ITGAL: variants seen among roughly 807,000 people sequenced by gnomAD.
The protein encoded by ITGAL is integrin subunit alpha L, also known as integrin alpha-L.
Under a neutral mutation model 138.4 loss-of-function variants are expected in ITGAL, and 68 were observed. That is an observed-to-expected ratio of 0.49 (90% CI 0.40 to 0.60). ITGAL has a LOEUF of 0.60. Among genes scored for constraint, ITGAL ranks in the 20% least tolerant of loss-of-function variants. The pLI is 0.00. For missense variants in ITGAL, 1,256 were observed against 1,478.6 expected, an observed-to-expected ratio of 0.85 and a Z score of 2.47; for synonymous variants, 561 against 584.3, an observed-to-expected ratio of 0.96 and a Z score of 0.57.
chr16:30,505,029 A>C, intron 18 of ITGAL: 1 of 382,450 alleles, frequency 2.6e-6, no homozygotes, highest in Non-Finnish European at 4.7e-6. Context: ...AAAAAAAAAA[A>C]AAAAAAAGAG....
Position 30,518,692 on chromosome 16 carries a change from C to T in ITGAL, c.3201C>T (p.Leu1067=). The T allele has an allele frequency of 6.2e-7, 1 of 1,613,876 alleles. No homozygotes were observed. The highest frequency in any genetic ancestry group is 2.2e-5 in the East Asian group (1 of 44,872). Residue 1067 remains leucine (L), a synonymous_variant, in exon 29 of 31, where the codon CTC becomes CTT. Transcript: ENST00000356798. ...TCAACAGCAGCAAGCATTTCCACCT[C>T]TATGGCAGCAACGCCTCCCTGGCCC... The part of the protein sequence containing the change: ...ISFNSSKHFH[L]YGSNASLAQV...
At chr16:30,488,735 G>T (rs1006635216) in intron 9 of ITGAL, 1 of 218,442 alleles carries the variant, frequency 4.6e-6, no homozygotes, top group Non-Finnish European at 9.1e-6. Context: ...AAATTAGCCA[G>T]GTGTGATGGT....
At chr16:30,481,290 G>T in intron 6 of ITGAL, 149 bp from the exon 7 acceptor site, 1 of 630,000 alleles carries the variant, frequency 1.6e-6, no homozygotes, top group Non-Finnish European at 2.6e-6. Context: ...AGGTTGCAGT[G>T]AGCCAAGATT....
chr16:30,506,935 G>C, intron 21 of ITGAL, 79 bp downstream of exon 21: 1 of 1,543,084 alleles, frequency 6.5e-7, no homozygotes, highest in Non-Finnish European at 8.9e-7. Context: ...AGGCAGCCAG[G>C]ACAGCCTGAA....
chr16:30,495,958 T>C (rs763817851), intron 13 of ITGAL, 139 bp from the exon 14 acceptor site: 75 of 704,950 alleles, frequency 1.1e-4, no homozygotes, highest in Admixed American at 9.6e-4. Context: ...GGCTGGTGCT[T>C]GAACCCTGGT....
At chr16:30,519,748 G>A in intron 29 of ITGAL, 109 bp from the exon 30 acceptor site, 1 of 748,932 alleles carries the variant, frequency 1.3e-6, no homozygotes, top group Non-Finnish European at 2.4e-6. Context: ...GGAGACTCCA[G>A]GCGGGTGATG....
intron 6 of ITGAL, chr16:30,481,191 A>G: frequency 2.3e-6 from 1 of 426,760 alleles, no homozygotes; most frequent in Non-Finnish European, 4.3e-6. Context: ...CACCACACAC[A>G]CACAAATATT....
At position 30,499,193 on chromosome 16, in the gene ITGAL, C is replaced by A; in HGVS notation, c.1952C>A (p.Thr651Lys). 6.2e-7 allele frequency: 1 copy of A among 1,614,150 alleles called. No individual in the cohort carries two copies. The highest frequency in any genetic ancestry group is 8.5e-7 in the Non-Finnish European group (1 of 1,180,012). Residue 651 changes from threonine to lysine, a missense_variant, in exon 16 of 31, where the codon ACA becomes AAA. This residue lies in a region of ITGAL where 867 missense variants were observed against 972.5 expected (regional missense o/e 0.89). Transcript: ENST00000356798. ...SNKMKEGVNI[T>K]ICFQIKSLIP... is the part of the protein sequence containing the mutation. ...AAGATGAAAGAAGGAGTTAATATCA[C>A]AATCTGTTTCCAGATCAAGTCTCTC...
chr16:30,475,812 G>A lies in ITGAL; in HGVS notation c.327+232G>A, dbSNP rs146083181. ...ATTGCCCAGGCTGGAGTGCAGTGGC[G>A]TGATCACAGCTCATTGTAGCCTCAA... On this transcript the variant is annotated intron_variant, in intron 4 of 30. Coordinates refer to ENST00000356798, the MANE Select transcript of ITGAL (RefSeq NM_002209.3). Among the ~76,000 whole-genome samples the A allele has an allele frequency of 4.3e-4, 63 of 146,854 alleles. No individual in the cohort carries two copies. The East Asian group carries it at 0.01, about 23-fold the overall frequency.
chr16:30,475,007 C>T (rs1264892860), intron 2 of ITGAL, among the ~76,000 whole-genome samples: 1 of 151,848 alleles, frequency 6.6e-6, no homozygotes, highest in African/African-American at 2.4e-5. Flanking sequence ...TACAGGCATG[C>T]ACCACCATGC....
intron 24 of ITGAL, among the ~76,000 whole-genome samples, chr16:30,512,586 GAA>G (rs771972585): frequency 1.9e-4 from 26 of 135,298 alleles, no homozygotes; most frequent in East Asian, 2.2e-4. Context: ...GACCCTGTGT[GAA>G]AAAAAAAAAA....
chr16:30,496,569 G>A lies in ITGAL; in HGVS notation c.1832+3G>A. 6.2e-7 allele frequency: 1 copy of A among 1,611,658 alleles called. No individual in the cohort carries two copies. The highest frequency in any genetic ancestry group is 8.5e-7 in the Non-Finnish European group (1 of 1,178,876). ...GAGAGCCAGATGATCGTGCTGAGGT[G>A]AGATGGGTCTCCCAGGTCACACCTG... On this transcript the variant is annotated splice_donor_region_variant and intron_variant, in intron 15 of 30. Coordinates refer to ENST00000356798, the MANE Select transcript of ITGAL (RefSeq NM_002209.3).
In ITGAL at chr16:30,481,553, A is replaced by C; in HGVS notation, c.691A>C (p.Thr231Pro). Residue 231 changes from threonine (T) to proline (P), a missense_variant, in exon 7 of 31, where the codon ACC (threonine) becomes CCC (proline). By Grantham distance (38) the Thr-to-Pro change is conservative. This residue lies in a region of ITGAL where 177 missense variants were observed against 288.8 expected (regional missense o/e 0.61). Coordinates refer to ENST00000356798, the MANE Select transcript of ITGAL (RefSeq NM_002209.3). ...GCATGTAAAGCACATGTTGCTGTTG[A>C]CCAATACCTTTGGTGCCATCAATTA... ...LKHVKHMLLL[T>P]NTFGAINYVA... The C allele has an allele frequency of 6.2e-7, 1 of 1,613,682 alleles. No individual in the cohort carries two copies. The highest frequency in any genetic ancestry group is 8.5e-7 in the Non-Finnish European group (1 of 1,179,878).
rs1394591543 is a variant in ITGAL at position 30,521,673 on chromosome 16, C to T, written c.*8C>T. The T allele has an allele frequency of 1.2e-6, 2 of 1,612,660 alleles. No individual in the cohort carries two copies. Among genetic ancestry groups the T allele is most frequent in the Admixed American group, 1.7e-5 (1 of 59,942 alleles). On this transcript the variant is annotated 3_prime_UTR_variant, in exon 31 of 31. Transcript: ENST00000356798. ...GGTGGTGGCAAGGACTGAGTCCAGG[C>T]CTGTGAGGTGCAGAGTGCCCAGAAC...
At chr16:30,513,034 T>G (rs2051112288) in intron 24 of ITGAL, among the ~76,000 whole-genome samples, 1 of 152,156 alleles carries the variant, frequency 6.6e-6, no homozygotes, top group Admixed American at 6.6e-5. Context: ...CCACACAGTA[T>G]GATACTGACA....
intron 21 of ITGAL, 147 bp from the exon 22 acceptor site, chr16:30,510,214 C>T: frequency 1.6e-6 from 1 of 632,594 alleles, no homozygotes; most frequent in Non-Finnish European, 2.8e-6. Context: ...CCTCTGTCTG[C>T]AGCCCTGATT....
chr16:30,496,924 C>A (rs2050809129), intron 15 of ITGAL, among the ~76,000 whole-genome samples: 1 of 152,006 alleles, frequency 6.6e-6, no homozygotes, highest in Non-Finnish European at 1.5e-5. Flanking sequence ...GAGTTACAGG[C>A]AGGAGCCACT....
At chr16:30,474,147 C>T in intron 1 of ITGAL, 49 bp from the exon 2 acceptor site, 1 of 1,400,486 alleles carries the variant, frequency 7.1e-7, no homozygotes, top group Non-Finnish European at 9.9e-7. Flanking sequence ...TGGGCACGTG[C>T]AGGGGCGGGG....
At chr16:30,502,274 G>A (rs962503567) in intron 17 of ITGAL, among the ~76,000 whole-genome samples, 1 of 151,436 alleles carries the variant, frequency 6.6e-6, no homozygotes, top group African/African-American at 2.4e-5. Context: ...GTGGGGGCCT[G>A]TAGTCCCAGC....
Sources: allele counts gnomAD v4.1 joint callset (sites outside exome capture counted in the v4.1 genomes callset), GRCh38; gene constraint gnomAD v4.1.1; regional missense constraint gnomAD v4.1.1; transcripts MANE v1.5; gene names NCBI Gene and HGNC (gene_info 2026-07-23, HGNC 2026-07-21).